The following DDA1 variants were observed in gnomAD, a reference collection of about 807,000 sequenced individuals.
DDA1 encodes DET1- and DDB1-associated protein 1.
Under a neutral mutation model 18.6 loss-of-function variants are expected in DDA1, and 3 were observed. That is an observed-to-expected ratio of 0.16 (90% CI 0.07 to 0.42). The LOEUF is 0.42. DDA1 is among the 10% of genes least tolerant of loss of function. DDA1 has a pLI of 0.99. For missense variants in DDA1, 105 were observed against 138.2 expected (o/e 0.76, Z 1.20); for synonymous variants, 52 against 54.0 (o/e 0.96, Z 0.17).
intron 1 of DDA1, among the ~76,000 whole-genome samples, chr19:17,312,142 G>A (rs8100232): frequency 0.34 from 52,153 of 151,914 alleles, 9,469 homozygotes; most frequent in South Asian, 0.42. Flanking sequence ...GAAGTCCCTC[G>A]TCCCAGGTCA....
rs1352442522 is a variant in DDA1 at position 17,322,920 on chromosome 19, T to TGA, written c.*3267_*3268dup. The TGA allele has an allele frequency of 6.6e-6, 1 of 152,272 alleles. No homozygotes were observed. Among genetic ancestry groups the TGA allele is most frequent in the Non-Finnish European group, 1.5e-5 (1 of 68,054 alleles). 9.4% of individuals were successfully genotyped at this position (152,272 alleles called of 1,614,324 possible). A position where few individuals can be genotyped will look rare whatever the true frequency, so the allele number is the denominator to read the frequency against. ...TTGCAAACCACCGCGCTGTCCTCTT[T>TGA]GAGAAGGAGTCTTACTCAGGACTGG... On this transcript the variant is annotated 3_prime_UTR_variant, in exon 5 of 5. Coordinates refer to ENST00000359866, the MANE Select transcript of DDA1 (RefSeq NM_024050.6).
At chr19:17,313,265 C>G (rs1374175188) in intron 1 of DDA1, among the ~76,000 whole-genome samples, 1 of 151,844 alleles carries the variant, frequency 6.6e-6, no homozygotes, top group East Asian at 1.9e-4. Context: ...CCTCGGTGTC[C>G]TTGCCTTTGA....
intron 3 of DDA1, among the ~76,000 whole-genome samples, chr19:17,315,246 T>C (rs146115366): frequency 0.01 from 780 of 75,472 alleles, 153 homozygotes; most frequent in East Asian, 0.064. Context: ...CACGTGTATA[T>C]ACACACACGT....
rs1160259609 is a variant in DDA1, at chr19:17,314,682, T to G, written c.136+293T>G. On this transcript the variant is annotated intron_variant, in intron 3 of 4. Transcript: ENST00000359866. The surrounding 1 kb of genome is among the most constrained non-coding windows in gnomAD (Gnocchi z 4.6). ...CAGGTGTCTCTTGATTGGGACACAC[T>G]GGGATCCACAGCCAGCCCAAAGGGG... The G allele has an allele frequency of 2.2e-6, 1 of 464,044 alleles. No homozygotes were observed. The highest frequency in any genetic ancestry group is 4.2e-5 in the East Asian group (1 of 24,060). 28.7% of individuals were successfully genotyped at this position (464,044 alleles called of 1,614,324 possible).
At position 17,315,241 on chromosome 19, in the gene DDA1, G is replaced by A. The variant is rs28717004; in HGVS notation, c.137-693G>A. 7.7e-3 allele frequency among the ~76,000 whole-genome samples: 232 copies of A among 30,058 alleles called. 43 individuals are homozygous for A. The highest frequency in any genetic ancestry group is 0.016 in the Middle Eastern group (1 of 64). 19.7% of individuals were successfully genotyped at this position (30,058 alleles called of 152,430 possible). A position where few individuals can be genotyped will look rare whatever the true frequency, so the allele number is the denominator to read the frequency against. On this transcript the variant is annotated intron_variant, in intron 3 of 4. Transcript: ENST00000359866. ...CACACACGTGTATACACACACACGT[G>A]TATATACACACACGTGTATATACAC...
rs1016145351 is a variant in DDA1 at position 17,319,719 on chromosome 19, G to C, written c.*63G>C. 1 of 1,475,790 alleles carries C rather than the reference G, an allele frequency of 6.8e-7. No homozygotes were observed. Among genetic ancestry groups the C allele is most frequent in the African/African-American group, 1.4e-5 (1 of 71,490 alleles). The allele number at this position is 1,475,790 out of a possible 1,614,324, so 91.4% of individuals were successfully genotyped here. On this transcript the variant is annotated 3_prime_UTR_variant, in exon 5 of 5. Transcript: ENST00000359866. ...TCCTCGGTCGCCCACCCGCCTGCCC[G>C]CCATGTGTAAGCACCCCGCCCGCCC...
Position 17,319,582 on chromosome 19 carries a change from C to G in DDA1, c.235C>G (p.Leu79Val). ...AKKRDQEQVE[L>V]EGESSAPPRK... ...GAAGAGAGACCAGGAGCAAGTGGAGCTGGAAGGCGAGAGCTCCGCACCTCC... is the reference window on the plus strand; with the variant it reads ...GAAGAGAGACCAGGAGCAAGTGGAGGTGGAAGGCGAGAGCTCCGCACCTCC... Residue 79 changes from leucine to valine, a missense_variant, in exon 5 of 5, where the codon CTG (leucine) becomes GTG (valine). Leu to Val is a conservative substitution (Grantham distance 32). Coordinates refer to ENST00000359866, the MANE Select transcript of DDA1 (RefSeq NM_024050.6). 1 of 1,577,774 alleles carries G rather than the reference C, an allele frequency of 6.3e-7. No individual in the cohort carries two copies. The highest frequency in any genetic ancestry group is 8.6e-7 in the Non-Finnish European group (1 of 1,161,794).
In DDA1 at chr19:17,319,708, C is replaced by T; in HGVS notation, c.*52C>T. 6.7e-7 allele frequency: 1 copy of T among 1,501,134 alleles called. No individual in the cohort carries two copies. Among genetic ancestry groups the T allele is most frequent in the Non-Finnish European group, 9.0e-7 (1 of 1,107,256 alleles). 93.0% of individuals were successfully genotyped at this position (1,501,134 alleles called of 1,614,324 possible). Reference sequence around the variant, plus strand: ...GCCAGGTCTGCTCCTCGGTCGCCCACCCGCCTGCCCGCCATGTGTAAGCAC... The same window carrying T: ...GCCAGGTCTGCTCCTCGGTCGCCCATCCGCCTGCCCGCCATGTGTAAGCAC... On this transcript the variant is annotated 3_prime_UTR_variant, in exon 5 of 5. Transcript: ENST00000359866.
chr19:17,321,276 C>T lies in DDA1; in HGVS notation c.*1620C>T, dbSNP rs113575926. 13,440 of 152,174 alleles carry T rather than the reference C, an allele frequency of 0.088. 675 individuals are homozygous for T. Among genetic ancestry groups the T allele is most frequent in the Non-Finnish European group, 0.11 (7,731 of 68,042 alleles). 9.4% of individuals were successfully genotyped at this position (152,174 alleles called of 1,614,324 possible). ...CCTCCTGAGTAGCTGGGATTACACG[C>T]GTGCGCCCCTACACCCAGCTAATTT... On this transcript the variant is annotated 3_prime_UTR_variant, in exon 5 of 5. Coordinates refer to ENST00000359866, the MANE Select transcript of DDA1 (RefSeq NM_024050.6).
At chr19:17,311,507 A>G (rs1426148926) in intron 1 of DDA1, among the ~76,000 whole-genome samples, 1 of 152,018 alleles carries the variant, frequency 6.6e-6, no homozygotes, top group Non-Finnish European at 1.5e-5. Context: ...TAGCCTATAA[A>G]ATGCTCCAGG....
chr19:17,311,847 C>T (rs1486128977), intron 1 of DDA1, among the ~76,000 whole-genome samples: 1 of 152,152 alleles, frequency 6.6e-6, no homozygotes, highest in Non-Finnish European at 1.5e-5. Context: ...TGCGTGTCTG[C>T]TGAGGCACCT....
intron 4 of DDA1, among the ~76,000 whole-genome samples, chr19:17,316,602 A>C (rs1279892730): frequency 6.1e-5 from 9 of 148,004 alleles, no homozygotes; most frequent in Admixed American, 2.7e-4. Flanking sequence ...AGGCCGGGTG[A>C]GGTGGCTCAC....
chr19:17,315,158 TACAC>T (rs376839201), intron 3 of DDA1, among the ~76,000 whole-genome samples: 2 of 29,134 alleles, frequency 6.9e-5, no homozygotes, highest in Non-Finnish European at 6.7e-5. Context: ...CACGTATATA[TACAC>T]ACGTGTATAT....
chr19:17,314,000 G>A (rs771431312), intron 1 of DDA1, 23 bp from the exon 2 acceptor site: 9 of 1,606,030 alleles, frequency 5.6e-6, no homozygotes, highest in Non-Finnish European at 7.7e-6. Context: ...GTTTTCTCAT[G>A]TACCATCTTC....
At chr19:17,311,400 C>T (rs1179750663) in intron 1 of DDA1, among the ~76,000 whole-genome samples, 1 of 152,078 alleles carries the variant, frequency 6.6e-6, no homozygotes, top group African/African-American at 2.4e-5. Flanking sequence ...TGTGATCCAC[C>T]CGCTTCGGAC....
intron 1 of DDA1, among the ~76,000 whole-genome samples, chr19:17,313,297 C>G (rs1357687931): frequency 1.3e-5 from 2 of 152,000 alleles, no homozygotes; most frequent in Admixed American, 6.6e-5. Flanking sequence ...TACCTCCTGC[C>G]CCATTGGGTC....
intron 1 of DDA1, among the ~76,000 whole-genome samples, chr19:17,311,526 C>A (rs547891522): frequency 1.3e-5 from 2 of 152,152 alleles, no homozygotes; most frequent in East Asian, 1.9e-4. Flanking sequence ...GGAACCCTGG[C>A]GGCTCCCCTC....
rs1555722694 is a variant in DDA1, at chr19:17,315,286, CTATA to C, written c.137-641_137-638del. On this transcript the variant is annotated intron_variant, in intron 3 of 4. Coordinates refer to ENST00000359866, the MANE Select transcript of DDA1 (RefSeq NM_024050.6). ...ATACACACACGTGTATATACACACA[CTATA>C]TATATACACACGTGTATATATATAC... Among the ~76,000 whole-genome samples the C allele has an allele frequency of 6.2e-4, 18 of 29,196 alleles. 4 individuals are homozygous for C. Among genetic ancestry groups the C allele is most frequent in the South Asian group, 4.9e-3 (7 of 1,424 alleles). The allele number at this position is 29,196 out of a possible 152,430, so 19.2% of individuals were successfully genotyped here. A position where few individuals can be genotyped will look rare whatever the true frequency, so the allele number is the denominator to read the frequency against.
chr19:17,318,912 T>G (rs2074226506), intron 4 of DDA1, among the ~76,000 whole-genome samples: 2 of 151,730 alleles, frequency 1.3e-5, no homozygotes, highest in African/African-American at 4.8e-5. Context: ...CGGGGGACTG[T>G]GTGGCAAAGT....
Sources: gnomAD v4.1 joint callset for allele counts (sites outside exome capture counted in the v4.1 genomes callset) on GRCh38, gnomAD v4.1.1 for gene constraint, Gnocchi (gnomAD v3.1) non-coding constraint, MANE v1.5 for transcripts, NCBI Gene and HGNC (gene_info 2026-07-23, HGNC 2026-07-21) for gene names.